Variants in PHACTR2 observed in about 807,000 individuals in gnomAD.
PHACTR2 encodes the protein chromosome 6 open reading frame 56.
A neutral mutation model predicts 76.0 loss-of-function variants in PHACTR2; 30 were observed. The observed-to-expected ratio is 0.39, with a 90% CI of 0.30 to 0.54. PHACTR2 has a LOEUF of 0.54. PHACTR2 is among the 20% of genes least tolerant of loss of function. The pLI is 0.61. For missense variants in PHACTR2, 696 were observed against 781.1 expected (o/e 0.89, Z 1.30); for synonymous variants, 292 against 292.5 (o/e 1.00, Z 0.02).
In PHACTR2 at chr6:143,791,122, G is replaced by T. The variant is rs1775678634; in HGVS notation, c.1845+2212G>T. On this transcript the variant is annotated intron_variant, in intron 11 of 12. Coordinates refer to ENST00000440869, the MANE Select transcript of PHACTR2 (RefSeq NM_001100164.2). This position sits in a 1 kb window ranked among gnomAD's most constrained non-coding sequence, Gnocchi z 4.7. ...TGTCTTCTAAATTGTTTATAATTTT[G>T]CTTTTCACATTTAACTTTTTTGTTT... is the stretch of plus-strand genomic sequence containing the variant. Among the ~76,000 whole-genome samples, 1 of 151,966 alleles carries T rather than the reference G, an allele frequency of 6.6e-6. No homozygotes were observed. The highest frequency in any genetic ancestry group is 1.9e-4 in the East Asian group (1 of 5,186).
intron 1 of PHACTR2, among the ~76,000 whole-genome samples, chr6:143,694,411 A>G (rs1777723586): frequency 6.6e-6 from 1 of 152,228 alleles, no homozygotes; most frequent in African/African-American, 2.4e-5. Context: ...ACTACTTATC[A>G]AGATCCTAAT....
At chr6:143,577,484 C>T (rs1775527934) in intron 1 of PHACTR2, among the ~76,000 whole-genome samples, 1 of 151,636 alleles carries the variant, frequency 6.6e-6, no homozygotes, top group African/African-American at 2.4e-5. Context: ...TTTGACTTAG[C>T]AAAAAAAGGT....
At position 143,546,426 on chromosome 6, in the gene PHACTR2, G is replaced by A. The variant is rs1774997116; in HGVS notation, c.217+9219G>A. ...TGTGGCTAGGGCAAGAATGTCAGAG[G>A]TACAATGCTTTGATTTTGGGTCCAT... On this transcript the variant is annotated intron_variant, in intron 1 of 11. Transcript: ENST00000367584. This position sits in a 1 kb window ranked among gnomAD's most constrained non-coding sequence, Gnocchi z 4.9. 6.6e-6 allele frequency among the ~76,000 whole-genome samples: 1 copy of A among 151,856 alleles called. No individual in the cohort carries two copies. Among genetic ancestry groups the A allele is most frequent in the Non-Finnish European group, 1.5e-5 (1 of 67,996 alleles).
intron 1 of PHACTR2, among the ~76,000 whole-genome samples, chr6:143,703,167 A>C (rs1777956183): frequency 6.6e-6 from 1 of 150,836 alleles, no homozygotes; most frequent in South Asian, 2.1e-4. Flanking sequence ...AAAAAAAAAA[A>C]AAAAAAAAAA....
Position 143,765,175 on chromosome 6 carries a change from A to G in PHACTR2, c.695-86A>G. ...ACAAACTTTAAAGGGAACATTTTAA[A>G]TGTTGTTGACAGTTACACCTTGGTT... On this transcript the variant is annotated intron_variant, in intron 5 of 12. Transcript: ENST00000440869. The surrounding 1 kb of genome is among the most constrained non-coding windows in gnomAD (Gnocchi z 4.1). The G allele has an allele frequency of 9.8e-7, 1 of 1,017,062 alleles. No homozygotes were observed. Among genetic ancestry groups the G allele is most frequent in the South Asian group, 1.6e-5 (1 of 63,910 alleles). The allele number at this position is 1,017,062 out of a possible 1,614,324, so 63.0% of individuals were successfully genotyped here. A position where few individuals can be genotyped will look rare whatever the true frequency, so the allele number is the denominator to read the frequency against.
At chr6:143,748,517 G>C (rs1212212487) in intron 2 of PHACTR2, among the ~76,000 whole-genome samples, 2 of 152,192 alleles carry the variant, frequency 1.3e-5, no homozygotes, top group Admixed American at 1.3e-4. Context: ...TGGAGTGAGA[G>C]AGAAAACACT....
Position 143,708,446 on chromosome 6 carries a change from A to T in PHACTR2, c.47-3570A>T, listed in dbSNP as rs1357488605. Among the ~76,000 whole-genome samples, 1 of 152,234 alleles carries T rather than the reference A, an allele frequency of 6.6e-6. No individual in the cohort carries two copies. Among genetic ancestry groups the T allele is most frequent in the Non-Finnish European group, 1.5e-5 (1 of 68,038 alleles). ...GTTACTCTTAGTAACATAAAAATGG[A>T]TCAAAATTAATGCTGAAAACAATCA... On this transcript the variant is annotated intron_variant, in intron 1 of 12. Coordinates refer to ENST00000440869, the MANE Select transcript of PHACTR2 (RefSeq NM_001100164.2). The surrounding 1 kb of genome is among the most constrained non-coding windows in gnomAD (Gnocchi z 5.5).
chr6:143,761,623 G>A lies in PHACTR2; in HGVS notation c.694+983G>A, dbSNP rs1415790214. 2.0e-5 allele frequency among the ~76,000 whole-genome samples: 3 copies of A among 151,970 alleles called. No individual in the cohort carries two copies. Among genetic ancestry groups the A allele is most frequent in the Admixed American group, 6.6e-5 (1 of 15,238 alleles). ...ACAAGAATTAGCCAGGCGTCGTGGC[G>A]TGCACCTCTAATCCCAGCTACTCAG... On this transcript the variant is annotated intron_variant, in intron 5 of 12. Transcript: ENST00000440869. This position sits in a 1 kb window ranked among gnomAD's most constrained non-coding sequence, Gnocchi z 5.2.
At position 143,547,242 on chromosome 6, in the gene PHACTR2, T is replaced by A. The variant is rs1004677813; in HGVS notation, c.217+10035T>A. 5.9e-5 allele frequency among the ~76,000 whole-genome samples: 9 copies of A among 152,212 alleles called. No individual in the cohort carries two copies. The highest frequency in any genetic ancestry group is 2.2e-4 in the African/African-American group (9 of 41,458). On this transcript the variant is annotated intron_variant, in intron 1 of 11. Coordinates refer to the PHACTR2 transcript ENST00000367584. This position sits in a 1 kb window ranked among gnomAD's most constrained non-coding sequence, Gnocchi z 4.2. The stretch of plus-strand genomic sequence containing the variant: ...TCCTCTTGCCCTAACTATACCTCAA[T>A]TGTAGCTCTTTCTAAAAATCATGTC...
chr6:143,724,375 A>C (rs959041937), intron 2 of PHACTR2, among the ~76,000 whole-genome samples: 10 of 151,084 alleles, frequency 6.6e-5, no homozygotes, highest in African/African-American at 1.9e-4. Context: ...CTCGTGATCC[A>C]CCCGCCTCAG....
rs1251273135 is a variant in PHACTR2, at chr6:143,689,573, C to T, written c.46+11364C>T. On this transcript the variant is annotated intron_variant, in intron 1 of 12. Coordinates refer to ENST00000440869, the MANE Select transcript of PHACTR2 (RefSeq NM_001100164.2). This position sits in a 1 kb window ranked among gnomAD's most constrained non-coding sequence, Gnocchi z 4.4. The stretch of plus-strand genomic sequence containing the variant: ...AGCATGACACATTATCTACTGAGCT[C>T]ACAGTATGGAAACCGAACACGTAGT... Among the ~76,000 whole-genome samples, 1 of 152,160 alleles carries T rather than the reference C, an allele frequency of 6.6e-6. No homozygotes were observed. The highest frequency in any genetic ancestry group is 1.5e-5 in the Non-Finnish European group (1 of 68,030).
chr6:143,704,095 C>CTGTATGTGTGTGTGTCTGTGTG (rs1777983305), intron 1 of PHACTR2, among the ~76,000 whole-genome samples: 2 of 144,128 alleles, frequency 1.4e-5, no homozygotes, highest in African/African-American at 2.6e-5. Context: ...GTGTGTGTGT[C>CTGTATGTGTGTGTGTCTGTGTG]TGTGTGTGTG....
At position 143,585,429 on chromosome 6, in the gene PHACTR2, A is replaced by T. The variant is rs543565369; in HGVS notation, c.217+48222A>T. On this transcript the variant is annotated intron_variant, in intron 1 of 11. Transcript: ENST00000367584. This position sits in a 1 kb window ranked among gnomAD's most constrained non-coding sequence, Gnocchi z 5.2. ...TAGAAGCTGAGATTCCAGGCAGCAC[A>T]AGAACAACACATTGGAACTAGGAAA... 2.0e-5 allele frequency among the ~76,000 whole-genome samples: 3 copies of T among 152,226 alleles called. No individual in the cohort carries two copies. Among genetic ancestry groups the T allele is most frequent in the Non-Finnish European group, 4.4e-5 (3 of 68,038 alleles).
At position 143,546,177 on chromosome 6, in the gene PHACTR2, C is replaced by T. The variant is rs1774994115; in HGVS notation, c.217+8970C>T. On this transcript the variant is annotated intron_variant, in intron 1 of 11. Transcript: ENST00000367584. This position sits in a 1 kb window ranked among gnomAD's most constrained non-coding sequence, Gnocchi z 4.9. Reference sequence around the variant, plus strand: ...TTGATCACACTTGCTGAAATTTGCACAGAGAAGTAGGTTGCAGCAGCGTGC... The same window carrying T: ...TTGATCACACTTGCTGAAATTTGCATAGAGAAGTAGGTTGCAGCAGCGTGC... Among the ~76,000 whole-genome samples the T allele has an allele frequency of 6.6e-6, 1 of 152,122 alleles. No homozygotes were observed. Among genetic ancestry groups the T allele is most frequent in the Non-Finnish European group, 1.5e-5 (1 of 68,020 alleles).
rs569223776 is a variant in PHACTR2 at position 143,779,425 on chromosome 6, C to G, written c.1645+2042C>G. Among the ~76,000 whole-genome samples the G allele has an allele frequency of 2.5e-4, 38 of 151,788 alleles. No individual in the cohort carries two copies. The South Asian group carries it at 7.5e-3, about 30-fold the overall frequency. ...AGGGCAGTGGCACTATCTCGGCTCA[C>G]TGCAACCCCGCCTCCTGGGTTCAAG... On this transcript the variant is annotated intron_variant, in intron 9 of 12. Transcript: ENST00000440869.
At chr6:143,540,365 C>A (rs1490343590) in intron 1 of PHACTR2, among the ~76,000 whole-genome samples, 1 of 152,124 alleles carries the variant, frequency 6.6e-6, no homozygotes, top group Non-Finnish European at 1.5e-5. Context: ...GAACGACAGA[C>A]CATCCTTGCT....
upstream of PHACTR2, among the ~76,000 whole-genome samples, chr6:143,676,889 A>G (rs1234313484): frequency 6.6e-6 from 1 of 152,182 alleles, no homozygotes. The surrounding 1 kb of genome is among the most constrained non-coding windows in gnomAD (Gnocchi z 4.8). Context: ...TTAATTAACC[A>G]TGACAAAACA....
intron 2 of PHACTR2, among the ~76,000 whole-genome samples, chr6:143,713,918 G>A (rs772217157): frequency 2.6e-5 from 4 of 152,092 alleles, no homozygotes; most frequent in African/African-American, 4.8e-5. Context: ...GTACGAAAAC[G>A]AACATAAGAT....
At chr6:143,788,737 T>A in intron 10 of PHACTR2, 36 bp from the exon 11 acceptor site, 1 of 1,585,338 alleles carries the variant, frequency 6.3e-7, no homozygotes, top group Non-Finnish European at 8.6e-7. Context: ...TGTAAGTGGT[T>A]TACTGAACTC....
Sources: gnomAD v4.1 joint callset for allele counts (sites outside exome capture counted in the v4.1 genomes callset) on GRCh38, gnomAD v4.1.1 for gene constraint, Gnocchi (gnomAD v3.1) non-coding constraint, MANE v1.5 for transcripts, NCBI Gene and HGNC (gene_info 2026-07-23, HGNC 2026-07-21) for gene names.